The following NR6A1 variants were observed in gnomAD, a reference collection of about 807,000 sequenced individuals.
NR6A1 encodes nuclear receptor subfamily 6 group A member 1.
NR6A1 carries 7 observed loss-of-function variants against 59.1 expected under a neutral mutation model. The ratio of observed to expected loss-of-function variants is 0.12; its 90% CI spans 0.07 to 0.22. The LOEUF is 0.22. Ranked by LOEUF, NR6A1 falls within the 10% of genes least tolerant of loss-of-function variation. The pLI, the probability that NR6A1 is intolerant of heterozygous loss-of-function variation, is 1.00. For synonymous variants in NR6A1, 243 were observed against 236.1 expected (o/e 1.03, Z -0.27); for missense variants, 468 against 611.6 (o/e 0.77, Z 2.48).
chr9:124,712,012 C>CT (rs1839293326), intron 2 of NR6A1, among the ~76,000 whole-genome samples: 1 of 152,198 alleles, frequency 6.6e-6, no homozygotes, highest in Admixed American at 6.5e-5. Flanking sequence ...AATCTTGTTC[C>CT]GAGTTTTGCA....
chr9:124,599,420 A>C (rs1835382064), intron 2 of NR6A1: 2 of 136,996 alleles, frequency 1.5e-5, no homozygotes, highest in Non-Finnish European at 3.0e-5. Flanking sequence ...ACATGGTCTC[A>C]AAAAAAAAAA....
chr9:124,658,848 C>T (rs1837337163), intron 2 of NR6A1: 1 of 151,948 alleles, frequency 6.6e-6, no homozygotes, highest in East Asian at 1.9e-4. Context: ...GGAATACTGT[C>T]AGTGGATTTT....
intron 2 of NR6A1, among the ~76,000 whole-genome samples, chr9:124,648,382 T>TA (rs950551036): frequency 2.0e-5 from 3 of 152,108 alleles, no homozygotes. Flanking sequence ...TAAAAGATGC[T>TA]AAAAAGTATT....
intron 4 of NR6A1, among the ~76,000 whole-genome samples, chr9:124,540,730 G>A (rs1288064241): frequency 6.6e-6 from 1 of 152,160 alleles, no homozygotes; most frequent in East Asian, 1.9e-4. Context: ...AAGCTCAGAA[G>A]ATTGAGGCTG....
At chr9:124,700,256 G>A (rs1300946195) in intron 2 of NR6A1, among the ~76,000 whole-genome samples, 4 of 151,808 alleles carry the variant, frequency 2.6e-5, no homozygotes, top group Admixed American at 6.6e-5. Context: ...GTGCAGTGGC[G>A]TGATCTTGGC....
At chr9:124,654,887 C>CACACACAA (rs1837210144) in intron 2 of NR6A1, among the ~76,000 whole-genome samples, 6 of 149,262 alleles carry the variant, frequency 4.0e-5, no homozygotes, top group Admixed American at 4.0e-4. Flanking sequence ...CACACACACA[C>CACACACAA]ACACACACAC....
At position 124,538,172 on chromosome 9, in the gene NR6A1, G is replaced by A. The variant is rs1193741094; in HGVS notation, c.744C>T (p.Pro248=). ...LLPQQARSLD[P]QSYSLIHQLL... Reference sequence around the variant, plus strand: ...GCTGGTGAATCAGACTGTATGACTGGGGATCCAGGCTGCGAGCTTGTTGGG... The same window carrying A: ...GCTGGTGAATCAGACTGTATGACTGAGGATCCAGGCTGCGAGCTTGTTGGG... The change falls in exon 6 of 10, where the codon CCC becomes CCT. Residue 248 remains proline (P), a synonymous_variant. Coordinates refer to ENST00000487099, the MANE Select transcript of NR6A1 (RefSeq NM_033334.4). 12 of 1,614,202 alleles carry A rather than the reference G, an allele frequency of 7.4e-6. No homozygotes were observed. The highest frequency in any genetic ancestry group is 1.0e-5 in the Non-Finnish European group (12 of 1,180,024).
chr9:124,525,677 A>ATCTCTC (rs71980445), intron 8 of NR6A1, among the ~76,000 whole-genome samples: 40 of 149,246 alleles, frequency 2.7e-4, no homozygotes, highest in African/African-American at 8.8e-4. Context: ...TTCTAAATAG[A>ATCTCTC]TCTCTCTCTC....
chr9:124,659,764 C>A (rs1011720293), intron 2 of NR6A1, among the ~76,000 whole-genome samples: 1 of 152,184 alleles, frequency 6.6e-6, no homozygotes, highest in African/African-American at 2.4e-5. Context: ...TTCAGGTATA[C>A]AGGAGAAAGA....
chr9:124,699,626 G>A (rs991748347), intron 2 of NR6A1, among the ~76,000 whole-genome samples: 2 of 152,158 alleles, frequency 1.3e-5, no homozygotes, highest in Admixed American at 6.5e-5. Flanking sequence ...TCTTTAAACA[G>A]CTTTGTTTAG....
intron 3 of NR6A1, among the ~76,000 whole-genome samples, chr9:124,548,660 T>G (rs752534394): frequency 1.3e-5 from 2 of 152,226 alleles, no homozygotes; most frequent in Non-Finnish European, 2.9e-5. Context: ...GGGGCACTTT[T>G]TACCCTGGTA....
chr9:124,530,305 C>T (rs1019346287), intron 7 of NR6A1, among the ~76,000 whole-genome samples: 7 of 152,220 alleles, frequency 4.6e-5, no homozygotes, highest in African/African-American at 1.7e-4. Flanking sequence ...GCAGCCCCCA[C>T]TCAGTCTCCA....
intron 7 of NR6A1, among the ~76,000 whole-genome samples, chr9:124,533,907 T>C (rs1332194707): frequency 6.6e-6 from 1 of 151,256 alleles, no homozygotes; most frequent in African/African-American, 2.4e-5. Context: ...CCTCAGCCTC[T>C]CAAAGTGATG....
chr9:124,720,833 T>A (rs1839542651), intron 2 of NR6A1, among the ~76,000 whole-genome samples: 1 of 152,178 alleles, frequency 6.6e-6, no homozygotes, highest in Non-Finnish European at 1.5e-5. Context: ...GTGACTTTAA[T>A]CTAGGGTATC....
chr9:124,757,637 C>A (rs1293283383), intron 1 of NR6A1, among the ~76,000 whole-genome samples: 3 of 152,086 alleles, frequency 2.0e-5, no homozygotes, highest in Non-Finnish European at 4.4e-5. Context: ...ACCAAAGGAC[C>A]TAAGGGCCAC....
intron 2 of NR6A1, among the ~76,000 whole-genome samples, chr9:124,596,581 C>T (rs1835278860): frequency 2.6e-5 from 4 of 152,198 alleles, no homozygotes; most frequent in Admixed American, 2.0e-4. Context: ...TCACCACCCC[C>T]AATCCTTACC....
intron 2 of NR6A1, among the ~76,000 whole-genome samples, chr9:124,682,519 T>C (rs565790308): frequency 6.6e-6 from 1 of 152,328 alleles, no homozygotes; most frequent in African/African-American, 2.4e-5. Context: ...TAAAGAGATC[T>C]GCAAAAATGT....
intron 1 of NR6A1, among the ~76,000 whole-genome samples, chr9:124,734,865 C>A (rs557650030): frequency 6.6e-6 from 1 of 151,876 alleles, no homozygotes; most frequent in South Asian, 2.1e-4. Context: ...TTGTTTGATA[C>A]GGAGTTTTGC....
At chr9:124,665,248 G>T (rs1225346197) in intron 2 of NR6A1, among the ~76,000 whole-genome samples, 3 of 151,730 alleles carry the variant, frequency 2.0e-5, no homozygotes, top group Non-Finnish European at 2.9e-5. Context: ...TTTGGGAATG[G>T]TCCAATGATT....
Sources: allele counts gnomAD v4.1 joint callset (sites outside exome capture counted in the v4.1 genomes callset), GRCh38; gene constraint gnomAD v4.1.1; transcripts MANE v1.5; gene names NCBI Gene and HGNC (gene_info 2026-07-23, HGNC 2026-07-21).